Variants in TASOR2 observed in about 807,000 individuals in gnomAD.
TASOR2 encodes protein TASOR 2.
In TASOR2, 84 loss-of-function variants were observed where a neutral mutation model predicts 199.5. That is an observed-to-expected ratio of 0.42 (90% CI 0.35 to 0.50). TASOR2 has a LOEUF of 0.50. Ranked by LOEUF, TASOR2 falls within the 20% of genes least tolerant of loss-of-function variation. The pLI is 0.02. For synonymous variants in TASOR2, 1,103 were observed against 1,046.6 expected, an observed-to-expected ratio of 1.05 and a Z score of -1.04; for missense variants, 2,796 against 2,835.9, an observed-to-expected ratio of 0.99 and a Z score of 0.32.
chr10:5,723,408 AT>A (rs1046173404), intron 6 of TASOR2, among the ~76,000 whole-genome samples: 1 of 151,846 alleles, frequency 6.6e-6, no homozygotes, highest in African/African-American at 2.4e-5. Context: ...TGTATACATA[AT>A]TTTTTTGACA....
Position 5,730,549 on chromosome 10 carries a change from CT to C in TASOR2, c.552del (p.Asn185IlefsTer5), listed in dbSNP as rs1456484817. The C allele has an allele frequency of 6.2e-7, 1 of 1,613,714 alleles. No individual in the cohort carries two copies. The highest frequency in any genetic ancestry group is 8.5e-7 in the Non-Finnish European group (1 of 1,179,942). On this transcript the variant is annotated frameshift_variant, in exon 11 of 21. Coordinates refer to ENST00000328090, the Ensembl canonical transcript of TASOR2. LOFTEE classifies it high-confidence loss of function. The surrounding 1 kb of genome is among the most constrained non-coding windows in gnomAD (Gnocchi z 4.1). ...GAAGGTGATACCTATTTTATCTACC[CT>C]TAATTGTGCCCTGCTAGAAACAAAG...
chr10:5,747,466 G>C, exon 15 of TASOR2: 1 of 1,614,134 alleles, frequency 6.2e-7, no homozygotes, highest in Non-Finnish European at 8.5e-7. Flanking sequence ...ATATCCCTCA[G>C]TGTCAGAAGA....
rs1473850711 is a variant in TASOR2 at position 5,690,526 on chromosome 10, C to T, written c.-288+5351C>T. Among the ~76,000 whole-genome samples the T allele has an allele frequency of 2.0e-5, 3 of 152,164 alleles. No individual in the cohort carries two copies. Among genetic ancestry groups the T allele is most frequent in the South Asian group, 2.1e-4 (1 of 4,828 alleles). ...ATTTATCTGTGCCCAGGACATTTTGCGTGGGCTACGTGTAGAGGTGGTGGC... is the reference window on the plus strand; with the variant it reads ...ATTTATCTGTGCCCAGGACATTTTGTGTGGGCTACGTGTAGAGGTGGTGGC... On this transcript the variant is annotated intron_variant, in intron 1 of 20. Transcript: ENST00000328090. The surrounding 1 kb of genome is among the most constrained non-coding windows in gnomAD (Gnocchi z 4.8).
intron 8 of TASOR2, 135 bp downstream of exon 9, chr10:5,724,668 TATAG>T (rs1387036421): frequency 1.1e-5 from 2 of 182,934 alleles, no homozygotes; most frequent in South Asian, 1.8e-4. Flanking sequence ...GATATAGATA[TATAG>T]ATATAGATCG....
At position 5,760,335 on chromosome 10, in the gene TASOR2, T is replaced by C. The variant is rs115169623; in HGVS notation, c.6993-955T>C. On this transcript the variant is annotated intron_variant, in intron 18 of 20. Transcript: ENST00000328090. ...TGGTACATGCCCGTACTCACTGCTG[T>C]TGGCGCTGCAGTATGCTCTTCATAT... Among the ~76,000 whole-genome samples the C allele has an allele frequency of 6.7e-3, 1,018 of 152,352 alleles. 19 individuals carry two copies. Among genetic ancestry groups the C allele is most frequent in the African/African-American group, 0.023 (973 of 41,580 alleles).
chr10:5,747,707 G>T (rs1295996411), exon 15 of TASOR2: 24 of 1,614,042 alleles, frequency 1.5e-5, no homozygotes, highest in Non-Finnish European at 1.9e-5. Flanking sequence ...AAACTTCATG[G>T]TACACAGTGT....
exon 21 of TASOR2, chr10:5,763,671 G>T (rs1389865001): frequency 1.3e-5 from 2 of 152,154 alleles, no homozygotes; most frequent in African/African-American, 4.8e-5. Context: ...AAGATACACG[G>T]TATCTATTTG....
Position 5,749,363 on chromosome 10 carries a change from G to A in TASOR2, c.5942G>A (p.Arg1981His), listed in dbSNP as rs150013388. ...AACACTTTAGACCTGGAGTATCTGC[G>A]TTTTGCACATAAACTAAAACAGACC... is the stretch of plus-strand genomic sequence containing the variant. The change falls in exon 15 of 21, where the codon CGT becomes CAT. Residue 1981 changes from arginine to histidine, a missense_variant. Arg to His is a conservative substitution (Grantham distance 29, BLOSUM62 0). This residue lies in a region of TASOR2 where 1,941 missense variants were observed against 1,924.9 expected (regional missense o/e 1.01). Transcript: ENST00000328090. 8.6e-5 allele frequency: 139 copies of A among 1,614,234 alleles called. 1 individual carries two copies. The highest frequency in any genetic ancestry group is 1.6e-4 in the Middle Eastern group (1 of 6,062).
rs61832742 is a variant in TASOR2, at chr10:5,697,291, A to G, written c.-288+12116A>G. 7.3e-4 allele frequency among the ~76,000 whole-genome samples: 17 copies of G among 23,348 alleles called. No individual in the cohort carries two copies. The East Asian group carries it at 0.027, about 37-fold the overall frequency. The allele number at this position is 23,348 out of a possible 152,430, so 15.3% of individuals were successfully genotyped here. On this transcript the variant is annotated intron_variant, in intron 1 of 20. Transcript: ENST00000328090. ...TTTAACAAATTCAGGGAAAAAGGAAACCTTAACTTTAAATTGTATGCAAGT... is the reference window on the plus strand; with the variant it reads ...TTTAACAAATTCAGGGAAAAAGGAAGCCTTAACTTTAAATTGTATGCAAGT...
chr10:5,739,279 G>A (rs182879639), intron 12 of TASOR2, among the ~76,000 whole-genome samples: 14 of 152,208 alleles, frequency 9.2e-5, no homozygotes, highest in Admixed American at 5.9e-4. Context: ...GAGCTGAGCT[G>A]TATGTCTTCT....
At position 5,754,151 on chromosome 10, in the gene TASOR2, A is replaced by T. The variant is rs890349427; in HGVS notation, c.6607-2462A>T. ...GAAACCCCGTCTCTACTAAAAATAAAAAAATTAGCCGGGTGTGGCGGCGCG... is the reference window on the plus strand; with the variant it reads ...GAAACCCCGTCTCTACTAAAAATAATAAAATTAGCCGGGTGTGGCGGCGCG... On this transcript the variant is annotated intron_variant, in intron 15 of 20. Coordinates refer to ENST00000328090, the Ensembl canonical transcript of TASOR2. This position sits in a 1 kb window ranked among gnomAD's most constrained non-coding sequence, Gnocchi z 4.3. Among the ~76,000 whole-genome samples the T allele has an allele frequency of 4.6e-5, 7 of 152,084 alleles. No individual in the cohort carries two copies. The highest frequency in any genetic ancestry group is 1.7e-4 in the African/African-American group (7 of 41,410).
At chr10:5,703,793 C>T (rs917654243) in intron 1 of TASOR2, among the ~76,000 whole-genome samples, 2 of 152,104 alleles carry the variant, frequency 1.3e-5, no homozygotes, top group Admixed American at 6.5e-5. Context: ...TGAGCCACCG[C>T]GCCCGGCCTC....
rs760957418 is a variant in TASOR2 at position 5,748,574 on chromosome 10, A to G, written c.5153A>G (p.Asn1718Ser). The G allele has an allele frequency of 3.7e-6, 6 of 1,613,620 alleles. No homozygotes were observed. Among genetic ancestry groups the G allele is most frequent in the Non-Finnish European group, 5.1e-6 (6 of 1,180,028 alleles). Residue 1718 changes from asparagine to serine, a missense_variant, in exon 15 of 21, where the codon AAC (asparagine) becomes AGC (serine). Around this residue, in one of 3 missense-constraint regions of TASOR2, gnomAD observed 1,941 missense variants for 1,924.9 expected, o/e 1.01. Transcript: ENST00000328090. The surrounding 1 kb of genome is among the most constrained non-coding windows in gnomAD (Gnocchi z 5.1). ...CCAGGCACTGCTGGCCCTCAGTCCA[A>G]CACCACATCTTCTCTAAAAGGTGAA...
exon 15 of TASOR2, chr10:5,749,373 TAAACTA>T (rs1837689956): frequency 6.2e-7 from 1 of 1,614,208 alleles, no homozygotes; most frequent in Non-Finnish European, 8.5e-7. Context: ...GTTTTGCACA[TAAACTA>T]AAACAGACCA....
At chr10:5,711,987 G>A (rs1831978222) in intron 1 of TASOR2, among the ~76,000 whole-genome samples, 1 of 151,464 alleles carries the variant, frequency 6.6e-6, no homozygotes, top group Non-Finnish European at 1.5e-5. Flanking sequence ...ATCAAGTGTG[G>A]CGTATATATT....
chr10:5,721,053 G>A, intron 6 of TASOR2, 83 bp downstream of exon 7: 1 of 1,075,638 alleles, frequency 9.3e-7, no homozygotes, highest in Non-Finnish European at 1.4e-6. Flanking sequence ...TTCAAGGGTG[G>A]CATTGGTGTA....
In TASOR2 at chr10:5,748,741, T is replaced by C; in HGVS notation, c.5320T>C (p.Ser1774Pro). The change falls in exon 15 of 21, where the codon TCC (serine) becomes CCC (proline). Residue 1774 changes from serine to proline, a missense_variant. Transcript: ENST00000328090. The surrounding 1 kb of genome is among the most constrained non-coding windows in gnomAD (Gnocchi z 5.1). ...AAACCTCAGTAAAGAGCCTTTGGCCTCCTTTGTTTCAGAATCCTTTGATAC... is the reference window on the plus strand; with the variant it reads ...AAACCTCAGTAAAGAGCCTTTGGCCCCCTTTGTTTCAGAATCCTTTGATAC... 6.2e-7 allele frequency: 1 copy of C among 1,614,146 alleles called. No homozygotes were observed. Among genetic ancestry groups the C allele is most frequent in the African/African-American group, 1.3e-5 (1 of 75,036 alleles).
At chr10:5,697,528 A>T (rs1378390845) in intron 1 of TASOR2, among the ~76,000 whole-genome samples, 2 of 152,188 alleles carry the variant, frequency 1.3e-5, no homozygotes, top group Non-Finnish European at 2.9e-5. Context: ...TGGGTGGGGC[A>T]TGGGGGAGGC....
At chr10:5,718,443 G>T (rs1832921815) in intron 3 of TASOR2, among the ~76,000 whole-genome samples, 1 of 149,312 alleles carries the variant, frequency 6.7e-6, no homozygotes, top group Non-Finnish European at 1.5e-5. Context: ...TGTAAAGTTT[G>T]TTCTCAAAAA....
Sources: gnomAD v4.1 joint callset for allele counts (sites outside exome capture counted in the v4.1 genomes callset) on GRCh38, gnomAD v4.1.1 for gene constraint, gnomAD v4.1.1 regional missense constraint, Gnocchi (gnomAD v3.1) non-coding constraint, MANE v1.5 for transcripts, NCBI Gene and HGNC (gene_info 2026-07-23, HGNC 2026-07-21) for gene names.